The following WIF1 variants were observed in gnomAD, a reference collection of about 807,000 sequenced individuals.
The protein encoded by WIF1 is Wnt inhibitory factor 1.
WIF1 carries 35 observed loss-of-function variants against 53.5 expected under a neutral mutation model. The ratio of observed to expected loss-of-function variants is 0.65; its 90% confidence interval spans 0.50 to 0.87. The LOEUF is 0.87. Among genes scored for constraint, WIF1 ranks in the 40% least tolerant of loss-of-function variants. The probability of loss-of-function intolerance (pLI) is 0.00; values close to 1 mark genes in which losing one functional copy is unlikely to be tolerated. For synonymous variants in WIF1, 171 were observed against 170.4 expected, an observed-to-expected ratio of 1.00 and a Z score of -0.03; for missense variants, 467 against 476.8, an observed-to-expected ratio of 0.98 and a Z score of 0.19.
At chr12:65,114,960 G>A (rs1429718297) in intron 2 of WIF1, among the ~76,000 whole-genome samples, 1 of 152,120 alleles carries the variant, frequency 6.6e-6, no homozygotes, top group Admixed American at 6.6e-5. Flanking sequence ...TTTAGGATCT[G>A]GACCTGTTGG....
intron 2 of WIF1, among the ~76,000 whole-genome samples, chr12:65,081,057 TTC>T (rs1282845425): frequency 1.3e-5 from 2 of 152,026 alleles, no homozygotes; most frequent in Non-Finnish European, 2.9e-5. Flanking sequence ...TTTTTTTCTT[TTC>T]TCTCTTTTTC....
chr12:65,056,009 G>T (rs1882519764), intron 8 of WIF1, 22 bp downstream of exon 8: 1 of 1,604,308 alleles, frequency 6.2e-7, no homozygotes, highest in African/African-American at 1.3e-5. Flanking sequence ...GCCCAGATTG[G>T]CAATGTGTAT....
Position 65,120,416 on chromosome 12 carries a change from C to G in WIF1, c.288+1G>C. On this transcript the variant is annotated splice_donor_variant, in intron 2 of 9. Transcript: ENST00000286574. LOFTEE classifies it high-confidence loss of function. Reference sequence around the variant, plus strand: ...TAAAGGGTAATTTTCTCAGAACTTACCTGCCCTGCAGCTTGCCAGGTAAAA... The same window carrying G: ...TAAAGGGTAATTTTCTCAGAACTTAGCTGCCCTGCAGCTTGCCAGGTAAAA... 1 of 1,612,964 alleles carries G rather than the reference C, an allele frequency of 6.2e-7. No homozygotes were observed. Among genetic ancestry groups the G allele is most frequent in the Non-Finnish European group, 8.5e-7 (1 of 1,179,650 alleles).
At chr12:65,120,693 C>CCA in intron 1 of WIF1, 137 bp from the exon 2 acceptor site, 1 of 1,002,126 alleles carries the variant, frequency 1.0e-6, no homozygotes, top group South Asian at 1.8e-5. Flanking sequence ...GTACCATCAA[C>CCA]GCTACTAAGA....
intron 3 of WIF1, among the ~76,000 whole-genome samples, chr12:65,077,346 T>A (rs1274674708): frequency 7.5e-6 from 1 of 133,454 alleles, no homozygotes; most frequent in Non-Finnish European, 1.6e-5. Context: ...ATGCTAACTT[T>A]TGGGGAATTT....
chr12:65,072,088 A>G (rs567012438), intron 3 of WIF1, among the ~76,000 whole-genome samples: 2 of 152,258 alleles, frequency 1.3e-5, no homozygotes, highest in Non-Finnish European at 2.9e-5. Context: ...ACACCTTTTA[A>G]AAGTTTTCAA....
chr12:65,117,935 G>A (rs1468840766), intron 2 of WIF1, among the ~76,000 whole-genome samples: 1 of 152,180 alleles, frequency 6.6e-6, no homozygotes, highest in Middle Eastern at 3.2e-3. Context: ...CTCACCTCCT[G>A]CTGTGCTCCC....
Position 65,055,102 on chromosome 12 carries a change from T to C in WIF1, c.1018+16A>G, listed in dbSNP as rs756846562. Reference sequence around the variant, plus strand: ...ATTTTTTTCCTTGTTTACAACTTTTTATTTCTCCCACTCACTTTTATTGCA... The same window carrying C: ...ATTTTTTTCCTTGTTTACAACTTTTCATTTCTCCCACTCACTTTTATTGCA... On this transcript the variant is annotated intron_variant, in intron 9 of 9. Coordinates refer to ENST00000286574, the MANE Select transcript of WIF1 (RefSeq NM_007191.5). 2 of 1,610,462 alleles carry C rather than the reference T, an allele frequency of 1.2e-6. No homozygotes were observed. The highest frequency in any genetic ancestry group is 1.7e-5 in the Admixed American group (1 of 59,066).
chr12:65,074,407 A>C (rs1222847335), intron 3 of WIF1, among the ~76,000 whole-genome samples: 1 of 152,072 alleles, frequency 6.6e-6, no homozygotes, highest in Admixed American at 6.6e-5. Flanking sequence ...TATTAATCAG[A>C]AAAAAAGAAA....
chr12:65,060,658 G>A (rs1159005014), intron 7 of WIF1, among the ~76,000 whole-genome samples: 2 of 152,140 alleles, frequency 1.3e-5, no homozygotes, highest in East Asian at 3.8e-4. Context: ...AACCCGAATG[G>A]TACATTTTAA....
intron 9 of WIF1, among the ~76,000 whole-genome samples, chr12:65,054,551 T>C (rs1020815182): frequency 4.6e-5 from 7 of 152,180 alleles, no homozygotes; most frequent in Non-Finnish European, 4.4e-5. Flanking sequence ...TTTGAAAAAA[T>C]GCAACTCCAT....
In WIF1 at chr12:65,077,820, G is replaced by C; in HGVS notation, c.323C>G (p.Ser108Cys). The change falls in exon 3 of 10, where the codon TCC becomes TGC. Residue 108 changes from serine to cysteine, a missense_variant. Transcript: ENST00000286574. ...EYFYEFLSLR[S>C]LDKGIMADPT... ...ATCTGCCATGATGCCTTTATCCAGG[G>C]AGCGCAAGGACAGGAATTCATAGAA... The C allele has an allele frequency of 6.2e-7, 1 of 1,613,822 alleles. No individual in the cohort carries two copies. The highest frequency in any genetic ancestry group is 8.5e-7 in the Non-Finnish European group (1 of 1,179,850).
chr12:65,103,822 T>C (rs955626042), intron 2 of WIF1, among the ~76,000 whole-genome samples: 2 of 152,220 alleles, frequency 1.3e-5, no homozygotes, highest in African/African-American at 4.8e-5. Context: ...AATTTCCTTG[T>C]GCCTCTAACT....
chr12:65,114,843 A>G (rs1468476328), intron 2 of WIF1, among the ~76,000 whole-genome samples: 1 of 152,114 alleles, frequency 6.6e-6, no homozygotes, highest in Non-Finnish European at 1.5e-5. Flanking sequence ...CCACAGCAAC[A>G]CTTCGGTTTT....
intron 2 of WIF1, among the ~76,000 whole-genome samples, chr12:65,099,918 T>C (rs988517126): frequency 5.3e-5 from 8 of 152,100 alleles, no homozygotes; most frequent in African/African-American, 7.2e-5. Flanking sequence ...CTTAAGAAAA[T>C]TGAGGAAATA....
intron 3 of WIF1, among the ~76,000 whole-genome samples, chr12:65,069,799 A>G (rs1882745431): frequency 6.6e-6 from 1 of 152,154 alleles, no homozygotes; most frequent in African/African-American, 2.4e-5. Flanking sequence ...AAATGGGGCA[A>G]ATCAGATGTG....
intron 2 of WIF1, among the ~76,000 whole-genome samples, chr12:65,107,547 G>A (rs145779119): frequency 0.013 from 1,963 of 152,320 alleles, 47 homozygotes; most frequent in African/African-American, 0.044. Flanking sequence ...TTGAACCCAG[G>A]AGGTGGAGGT....
intron 7 of WIF1, among the ~76,000 whole-genome samples, chr12:65,058,586 G>T (rs1388790999): frequency 6.6e-6 from 1 of 152,164 alleles, no homozygotes; most frequent in Non-Finnish European, 1.5e-5. Flanking sequence ...CTAGTTTAAA[G>T]ACTATAGGAG....
At chr12:65,054,805 A>G (rs1882498886) in intron 9 of WIF1, among the ~76,000 whole-genome samples, 4 of 152,224 alleles carry the variant, frequency 2.6e-5, no homozygotes, top group South Asian at 4.1e-4. Flanking sequence ...TTACCCCTAG[A>G]TCAACCTGTA....
Sources: gnomAD v4.1 joint callset for allele counts (sites outside exome capture counted in the v4.1 genomes callset) on GRCh38, gnomAD v4.1.1 for gene constraint, MANE v1.5 for transcripts, NCBI Gene and HGNC (gene_info 2026-07-23, HGNC 2026-07-21) for gene names.